The following FGF12 variants were observed in gnomAD, a reference collection of about 807,000 sequenced individuals.
FGF12 encodes the protein fibroblast growth factor 12B.
Under a neutral mutation model 23.6 loss-of-function variants are expected in FGF12, and 14 were observed. The ratio of observed to expected loss-of-function variants is 0.59; its 90% confidence interval spans 0.39 to 0.93. FGF12 has a LOEUF of 0.93. FGF12 is among the 40% of genes least tolerant of loss of function. FGF12 has a pLI of 0.00. For missense variants in FGF12, 175 were observed against 217.8 expected (o/e 0.80, Z 1.24); for synonymous variants, 62 against 77.3 (o/e 0.80, Z 1.04).
chr3:192,297,867 C>G (rs1372799002), intron 4 of FGF12, among the ~76,000 whole-genome samples: 3 of 152,128 alleles, frequency 2.0e-5, no homozygotes, highest in African/African-American at 4.8e-5. Context: ...TCTTTATGCT[C>G]TCTATATTTC....
Position 192,500,100 on chromosome 3 carries a change from C to G in FGF12, c.14-139562G>C, listed in dbSNP as rs762269544. Among the ~76,000 whole-genome samples the G allele has an allele frequency of 2.0e-5, 3 of 152,294 alleles. No individual in the cohort carries two copies. In the East Asian group the frequency reaches 5.8e-4, roughly 29 times the overall value. Reference sequence around the variant, plus strand: ...TGTCTGCCTTAGAAATGCACTTACACCTTTCTGAGACAGCTGGCTATTTTT... The same window carrying G: ...TGTCTGCCTTAGAAATGCACTTACAGCTTTCTGAGACAGCTGGCTATTTTT... On this transcript the variant is annotated intron_variant, in intron 2 of 5. Transcript: ENST00000445105.
At chr3:192,195,622 T>C (rs1045309782) in intron 4 of FGF12, among the ~76,000 whole-genome samples, 2 of 152,170 alleles carry the variant, frequency 1.3e-5, no homozygotes, top group Non-Finnish European at 2.9e-5. Context: ...AGTCACACAA[T>C]GAACTTGCAA....
At chr3:192,681,224 G>T (rs1213408704) in intron 2 of FGF12, among the ~76,000 whole-genome samples, 2 of 152,190 alleles carry the variant, frequency 1.3e-5, no homozygotes, top group African/African-American at 4.8e-5. Flanking sequence ...TGAGACAGCA[G>T]AACCAAAGGG....
chr3:192,475,942 G>T (rs1183733628), intron 2 of FGF12, among the ~76,000 whole-genome samples: 1 of 151,674 alleles, frequency 6.6e-6, no homozygotes, highest in East Asian at 1.9e-4. Flanking sequence ...ATAGATGATA[G>T]ATAGATAGAT....
At chr3:192,696,103 T>TG (rs1335247806) in intron 2 of FGF12, among the ~76,000 whole-genome samples, 1 of 151,330 alleles carries the variant, frequency 6.6e-6, no homozygotes, top group Non-Finnish European at 1.5e-5. Context: ...TGTTTAATGG[T>TG]GGGCTATGAA....
intron 2 of FGF12, among the ~76,000 whole-genome samples, chr3:192,710,965 C>T (rs1317674368): frequency 4.6e-5 from 7 of 152,106 alleles, no homozygotes; most frequent in African/African-American, 1.7e-4. Context: ...AAGATACGGA[C>T]CTCAGGAGCT....
chr3:192,378,028 T>TCTCTCTTTCTTTCTTTCTC (rs10685325), intron 2 of FGF12, among the ~76,000 whole-genome samples: 1 of 81,578 alleles, frequency 1.2e-5, no homozygotes, highest in Non-Finnish European at 2.6e-5. Context: ...ACTCTTTCTT[T>TCTCTCTTTCTTTCTTTCTC]TCTTTCTTTC....
At chr3:192,492,408 G>T (rs911907091) in intron 2 of FGF12, among the ~76,000 whole-genome samples, 1 of 151,918 alleles carries the variant, frequency 6.6e-6, no homozygotes, top group African/African-American at 2.4e-5. Context: ...AGGGATTGAT[G>T]TTTTTTTCTC....
chr3:192,490,157 A>AAAGTCTC (rs1723757760), intron 2 of FGF12, among the ~76,000 whole-genome samples: 1 of 151,976 alleles, frequency 6.6e-6, no homozygotes, highest in South Asian at 2.1e-4. Context: ...CTTCTAAAGA[A>AAAGTCTC]AAGTCTCACC....
intron 2 of FGF12, among the ~76,000 whole-genome samples, chr3:192,620,686 G>T (rs1714941197): frequency 6.6e-6 from 1 of 152,064 alleles, no homozygotes; most frequent in Non-Finnish European, 1.5e-5. Context: ...AGGTCTATTT[G>T]GTTTCAGAAT....
chr3:192,619,274 A>G (rs1289342335), intron 2 of FGF12, among the ~76,000 whole-genome samples: 1 of 152,090 alleles, frequency 6.6e-6, no homozygotes, highest in Non-Finnish European at 1.5e-5. Context: ...AGAACAGGTG[A>G]TGTTTGAGCT....
chr3:192,506,582 G>A (rs1475526412), intron 2 of FGF12, among the ~76,000 whole-genome samples: 1 of 152,126 alleles, frequency 6.6e-6, no homozygotes, highest in Non-Finnish European at 1.5e-5. Flanking sequence ...ACGTTGGCCA[G>A]GCTGGTCCTG....
chr3:192,518,528 T>C (rs962113885), intron 2 of FGF12, among the ~76,000 whole-genome samples: 8 of 152,196 alleles, frequency 5.3e-5, no homozygotes, highest in African/African-American at 1.7e-4. Context: ...ATTTATCTGT[T>C]TGGAAGAGAA....
At chr3:192,672,003 G>A (rs1326102639) in intron 2 of FGF12, among the ~76,000 whole-genome samples, 3 of 152,222 alleles carry the variant, frequency 2.0e-5, no homozygotes, top group Non-Finnish European at 4.4e-5. Context: ...TGAAGAAACT[G>A]AGACCCAAAG....
chr3:192,472,670 G>A (rs1418710707), intron 2 of FGF12, among the ~76,000 whole-genome samples: 2 of 152,142 alleles, frequency 1.3e-5, no homozygotes, highest in Non-Finnish European at 2.9e-5. Context: ...TAGGAAGGGA[G>A]AGAGTCATTC....
intron 5 of FGF12, among the ~76,000 whole-genome samples, chr3:192,165,901 A>C (rs998243041): frequency 2.0e-5 from 3 of 152,302 alleles, no homozygotes; most frequent in African/African-American, 7.2e-5. Context: ...CTGGTTACTT[A>C]GTTACTTTAA....
intron 2 of FGF12, among the ~76,000 whole-genome samples, chr3:192,401,789 G>A (rs1326148366): frequency 6.6e-6 from 1 of 152,008 alleles, no homozygotes; most frequent in Non-Finnish European, 1.5e-5. Context: ...TGTTCTTATT[G>A]CTTCAGCTAT....
At chr3:192,598,668 A>G (rs1055482205) in intron 2 of FGF12, among the ~76,000 whole-genome samples, 1 of 152,190 alleles carries the variant, frequency 6.6e-6, no homozygotes, top group Non-Finnish European at 1.5e-5. Context: ...TTTCTAAGAA[A>G]AGTCAGGTGA....
intron 5 of FGF12, among the ~76,000 whole-genome samples, chr3:192,166,695 G>A (rs535548140): frequency 1.3e-5 from 2 of 152,352 alleles, no homozygotes; most frequent in African/African-American, 2.4e-5. Flanking sequence ...ATTGAGACGT[G>A]CTTAGAATAG....
Sources: gnomAD v4.1 joint callset for allele counts (sites outside exome capture counted in the v4.1 genomes callset) on GRCh38, gnomAD v4.1.1 for gene constraint, MANE v1.5 for transcripts, NCBI Gene and HGNC (gene_info 2026-07-23, HGNC 2026-07-21) for gene names.